Variants in KMT2E observed in about 807,000 individuals in gnomAD.
KMT2E encodes the protein lysine methyltransferase 2E (inactive).
A neutral mutation model predicts 184.6 loss-of-function variants in KMT2E; 30 were observed. The observed-to-expected ratio is 0.16, with a 90% confidence interval of 0.12 to 0.22. KMT2E has a LOEUF of 0.22. Among genes scored for constraint, KMT2E ranks in the 10% least tolerant of loss-of-function variants. The pLI is 1.00. For synonymous variants in KMT2E, 815 were observed against 776.5 expected (o/e 1.05, Z -0.82); for missense variants, 2,023 against 2,237.4 (o/e 0.90, Z 1.93).
intron 3 of KMT2E, among the ~76,000 whole-genome samples, chr7:105,041,582 G>A (rs1204523451): frequency 6.6e-6 from 1 of 152,122 alleles, no homozygotes; most frequent in African/African-American, 2.4e-5. Flanking sequence ...TGTGTTTTTA[G>A]TAGAGATGGG....
chr7:105,104,810 C>T (rs112250961), intron 17 of KMT2E: 31 of 152,040 alleles, frequency 2.0e-4, no homozygotes, highest in African/African-American at 5.8e-4. Flanking sequence ...ATAATAGAAG[C>T]GGTAGTAAAC....
intron 3 of KMT2E, among the ~76,000 whole-genome samples, chr7:105,056,058 A>G (rs1368795622): frequency 6.6e-6 from 1 of 152,094 alleles, no homozygotes; most frequent in East Asian, 1.9e-4. Context: ...TGTATCTCTG[A>G]TGGTTGCTAG....
chr7:105,030,579 G>T (rs919543501), intron 1 of KMT2E, among the ~76,000 whole-genome samples: 1 of 152,192 alleles, frequency 6.6e-6, no homozygotes, highest in Non-Finnish European at 1.5e-5. Flanking sequence ...GAAACTAGTG[G>T]CTTTTGAAGT....
rs41531249 is a variant in KMT2E, at chr7:105,097,165, G to A, written c.1723-4260G>A. Among the ~76,000 whole-genome samples the A allele has an allele frequency of 3.3e-3, 506 of 152,264 alleles. 4 individuals carry two copies. The highest frequency in any genetic ancestry group is 0.011 in the African/African-American group (474 of 41,560). ...TGACTTCATTTAGAAAATCACTTTA[G>A]AATATGCAATGCTTTAATAATAAAA... On this transcript the variant is annotated intron_variant, in intron 15 of 26. Coordinates refer to ENST00000311117, the MANE Select transcript of KMT2E (RefSeq NM_182931.3).
At chr7:105,092,864 G>A (rs1286353839) in intron 15 of KMT2E, among the ~76,000 whole-genome samples, 2 of 151,782 alleles carry the variant, frequency 1.3e-5, no homozygotes, top group Non-Finnish European at 2.9e-5. Context: ...TGGCTTTAAG[G>A]GCTGTAGTGA....
At chr7:105,100,993 TG>T (rs1166700314) in intron 15 of KMT2E, among the ~76,000 whole-genome samples, 1 of 152,230 alleles carries the variant, frequency 6.6e-6, no homozygotes. Context: ...AACATCCTGC[TG>T]CAGTATGCCA....
intron 20 of KMT2E, 108 bp from the exon 21 acceptor site, chr7:105,107,058 C>G: frequency 2.9e-6 from 2 of 694,984 alleles, no homozygotes; most frequent in Non-Finnish European, 4.7e-6. Flanking sequence ...GAAACAAGAT[C>G]TAAAACTAAA....
Position 105,107,185 on chromosome 7 carries a change from G to T in KMT2E, c.2867G>T (p.Ser956Ile). 1 of 1,542,136 alleles carries T rather than the reference G, an allele frequency of 6.5e-7. No individual in the cohort carries two copies. The highest frequency in any genetic ancestry group is 8.8e-7 in the Non-Finnish European group (1 of 1,133,412). The change falls in exon 21 of 27, where the codon AGT becomes ATT. Residue 956 changes from serine (S) to isoleucine (I), a missense_variant. Ser to Ile is a moderately radical substitution (Grantham distance 142, BLOSUM62 -2). This residue lies in a region of KMT2E where 514 missense variants were observed against 621.8 expected (regional missense o/e 0.83). Transcript: ENST00000311117. ...ATACAGAATATTTCTTCCCCAGAAAGTTCTCCAGAAATAAAGAGACGCACT... is the reference window on the plus strand; with the variant it reads ...ATACAGAATATTTCTTCCCCAGAAATTTCTCCAGAAATAAAGAGACGCACT... Reference protein sequence around the residue: ...MHFENISSPESSPEIKRRTYS... With the variant: ...MHFENISSPEISPEIKRRTYS...
chr7:105,029,253 G>C (rs2129564444), intron 1 of KMT2E, among the ~76,000 whole-genome samples: 1 of 152,192 alleles, frequency 6.6e-6, no homozygotes, highest in East Asian at 1.9e-4. Context: ...AACACTACTT[G>C]AAGGTACCCT....
intron 5 of KMT2E, 122 bp downstream of exon 5, chr7:105,063,702 C>CAA: frequency 1.5e-6 from 1 of 658,846 alleles, no homozygotes; most frequent in Non-Finnish European, 2.5e-6. Flanking sequence ...AGTGGGACTT[C>CAA]TACTATTGAT....
chr7:105,036,671 G>T (rs1417780509), intron 1 of KMT2E, among the ~76,000 whole-genome samples: 1 of 152,134 alleles, frequency 6.6e-6, no homozygotes, highest in African/African-American at 2.4e-5. Flanking sequence ...CTCAGAATTT[G>T]CTATCATTAT....
rs1023279646 is a variant in KMT2E at position 105,078,282 on chromosome 7, C to A, written c.1131-564C>A. On this transcript the variant is annotated intron_variant, in intron 11 of 26. Transcript: ENST00000311117. ...TATCTTTCTTTGTAAATTGGAATTT[C>A]TACCTTCCATTAATTGCCTTTGATT... is the stretch of plus-strand genomic sequence containing the variant. 2.0e-5 allele frequency among the ~76,000 whole-genome samples: 3 copies of A among 152,136 alleles called. No individual in the cohort carries two copies. The East Asian group carries it at 5.8e-4, about 29-fold the overall frequency.
At chr7:105,054,526 G>GTCTA (rs1554387161) in intron 3 of KMT2E, among the ~76,000 whole-genome samples, 149 of 150,398 alleles carry the variant, frequency 9.9e-4, no homozygotes, top group African/African-American at 3.2e-3. Context: ...CTGTCTGTCT[G>GTCTA]TCTATTTGAG....
intron 13 of KMT2E, among the ~76,000 whole-genome samples, chr7:105,083,853 G>A (rs1797858329): frequency 6.6e-6 from 1 of 152,172 alleles, no homozygotes; most frequent in Admixed American, 6.5e-5. Context: ...GGCTTTACCT[G>A]TTAAGCTAGA....
intron 7 of KMT2E, among the ~76,000 whole-genome samples, chr7:105,073,890 A>C (rs567050610): frequency 7.4e-4 from 113 of 152,306 alleles, no homozygotes; most frequent in Non-Finnish European, 1.3e-3. Context: ...TGGGAAATAA[A>C]ATGGAAATGA....
At chr7:105,054,092 A>G (rs1026188822) in intron 3 of KMT2E, among the ~76,000 whole-genome samples, 8 of 151,630 alleles carry the variant, frequency 5.3e-5, no homozygotes, top group African/African-American at 1.9e-4. Flanking sequence ...GAATCACTTG[A>G]ACCCGGGAGG....
chr7:105,030,256 A>G (rs1290242349), intron 1 of KMT2E, among the ~76,000 whole-genome samples: 1 of 152,230 alleles, frequency 6.6e-6, no homozygotes, highest in African/African-American at 2.4e-5. Flanking sequence ...GTGAGGAAAC[A>G]GCCCTTAGGA....
chr7:105,037,196 G>C (rs1440046982), intron 1 of KMT2E, among the ~76,000 whole-genome samples: 1 of 152,038 alleles, frequency 6.6e-6, no homozygotes, highest in Non-Finnish European at 1.5e-5. Flanking sequence ...CACTGTGCCA[G>C]GTGCTTATAA....
chr7:105,050,401 G>A (rs1439705727), intron 3 of KMT2E, among the ~76,000 whole-genome samples: 1 of 152,076 alleles, frequency 6.6e-6, no homozygotes, highest in Non-Finnish European at 1.5e-5. Flanking sequence ...CTCAACTGCA[G>A]TCCCCTCTCC....
Sources: allele counts gnomAD v4.1 joint callset (sites outside exome capture counted in the v4.1 genomes callset), GRCh38; gene constraint gnomAD v4.1.1; regional missense constraint gnomAD v4.1.1; transcripts MANE v1.5; gene names NCBI Gene and HGNC (gene_info 2026-07-23, HGNC 2026-07-21).